Variants in GFAP observed in about 807,000 individuals in gnomAD.
The protein encoded by GFAP is glial fibrillary acidic protein.
Under a neutral mutation model 49.3 loss-of-function variants are expected in GFAP, and 38 were observed. The ratio of observed to expected loss-of-function variants is 0.77; its 90% CI spans 0.60 to 1.01. The LOEUF (loss-of-function observed/expected upper bound fraction) is 1.01, where lower values mean the gene tolerates loss of function less well. Among genes scored for constraint, GFAP ranks in the 50% least tolerant of loss-of-function variants. GFAP has a pLI of 0.00. For missense variants in GFAP, 463 were observed against 579.1 expected (o/e 0.80, Z 2.06); for synonymous variants, 222 against 236.4 (o/e 0.94, Z 0.56).
At position 44,913,787 on chromosome 17, in the gene GFAP, C is replaced by G. The variant is rs776879351; in HGVS notation, c.559G>C (p.Glu187Gln). The change falls in exon 3 of 9, where the codon GAG (glutamate) becomes CAG (glutamine). Residue 187 changes from glutamate (E) to glutamine (Q), a missense_variant. Coordinates refer to ENST00000588735, the MANE Select transcript of GFAP (RefSeq NM_002055.5). Reference sequence around the variant, plus strand: ...TCCTCCAGCGACTCAATCTTCCTCTCCAGATCCAGACGGGCCAGGGTGGCT... The same window carrying G: ...TCCTCCAGCGACTCAATCTTCCTCTGCAGATCCAGACGGGCCAGGGTGGCT... ...DEATLARLDL[E>Q]RKIESLEEEI... is the part of the protein sequence containing the mutation. 2 of 1,614,214 alleles carry G rather than the reference C, an allele frequency of 1.2e-6. No individual in the cohort carries two copies. Among genetic ancestry groups the G allele is most frequent in the Admixed American group, 3.3e-5 (2 of 60,038 alleles).
In GFAP at chr17:44,903,769, C is replaced by G; in HGVS notation, c.*3578G>C. On this transcript the variant is annotated 3_prime_UTR_variant, in exon 9 of 9. Transcript: ENST00000588735. ...TCCGCTTAGCAGAGCTTTCTAGGAG[C>G]CCTATGAGCCTTTAATGCCCTGGTT... The G allele has an allele frequency of 6.7e-7, 1 of 1,485,912 alleles. No homozygotes were observed. Among genetic ancestry groups the G allele is most frequent in the East Asian group, 2.5e-5 (1 of 40,478 alleles). 92.0% of individuals were successfully genotyped at this position (1,485,912 alleles called of 1,614,324 possible).
chr17:44,910,062 G>T, intron 7 of GFAP: 2 of 1,610,830 alleles, frequency 1.2e-6, no homozygotes, highest in African/African-American at 1.3e-5. Flanking sequence ...AACTCAGGGG[G>T]ATTGGGAGGA....
Position 44,906,330 on chromosome 17 carries a change from C to A in GFAP, c.*1017G>T, listed in dbSNP as rs2145623551. 6.6e-6 allele frequency: 1 copy of A among 152,560 alleles called. No homozygotes were observed. Among genetic ancestry groups the A allele is most frequent in the Non-Finnish European group, 1.5e-5 (1 of 68,180 alleles). 9.5% of individuals were successfully genotyped at this position (152,560 alleles called of 1,614,324 possible). Reference sequence around the variant, plus strand: ...AAGTGCAACTGGTCACCCACAACCCCTACTTGTATGCCTAGCGCCATCCCA... The same window carrying A: ...AAGTGCAACTGGTCACCCACAACCCATACTTGTATGCCTAGCGCCATCCCA... On this transcript the variant is annotated 3_prime_UTR_variant, in exon 9 of 9. Transcript: ENST00000588735.
chr17:44,910,167 A>G (rs1448210839), intron 7 of GFAP: 1 of 1,613,686 alleles, frequency 6.2e-7, no homozygotes, highest in Admixed American at 1.7e-5. Context: ...TCCATTTACA[A>G]TCTGGTGAGC....
At chr17:44,910,448 C>G in intron 7 of GFAP, 167 bp downstream of exon 7, 1 of 1,569,424 alleles carries the variant, frequency 6.4e-7, no homozygotes, top group Non-Finnish European at 8.6e-7. Flanking sequence ...CCTAGAAGTA[C>G]CCTGGTATGA....
In GFAP at chr17:44,905,056, C is replaced by T. The variant is rs1346226861; in HGVS notation, c.*2291G>A. The T allele has an allele frequency of 1.3e-6, 2 of 1,542,888 alleles. No homozygotes were observed. The highest frequency in any genetic ancestry group is 4.9e-5 in the East Asian group (2 of 40,814). ...GCTGCTACTTATTTCACTGTTGTCC[C>T]AGCTTCTCCCCCTAGGAGCTCTCTT... is the stretch of plus-strand genomic sequence containing the variant. On this transcript the variant is annotated 3_prime_UTR_variant, in exon 9 of 9. Transcript: ENST00000588735.
chr17:44,908,170 G>A (rs1429787592), intron 7 of GFAP, 21 bp from the exon 8 acceptor site: 3 of 1,540,944 alleles, frequency 1.9e-6, no homozygotes, highest in Non-Finnish European at 2.7e-6. Context: ...GGGGAGAGGA[G>A]GCCTCTCATG....
chr17:44,908,061 T>C lies in GFAP; in HGVS notation c.1257+3A>G. Reference sequence around the variant, plus strand: ...GCCTGACTGGGCCCAAATCCCTCCTTACCTCTCCATCCCGCATCTCCACGG... The same window carrying C: ...GCCTGACTGGGCCCAAATCCCTCCTCACCTCTCCATCCCGCATCTCCACGG... On this transcript the variant is annotated splice_donor_region_variant and intron_variant, in intron 8 of 8. Coordinates refer to ENST00000588735, the MANE Select transcript of GFAP (RefSeq NM_002055.5). 3 of 1,601,420 alleles carry C rather than the reference T, an allele frequency of 1.9e-6. No homozygotes were observed. Among genetic ancestry groups the C allele is most frequent in the East Asian group, 2.2e-5 (1 of 44,714 alleles).
chr17:44,904,156 C>CTTG lies in GFAP; in HGVS notation c.*3188_*3190dup, dbSNP rs969343931. 1 of 1,550,232 alleles carries CTTG rather than the reference C, an allele frequency of 6.5e-7. No homozygotes were observed. Among genetic ancestry groups the CTTG allele is most frequent in the African/African-American group, 1.4e-5 (1 of 73,064 alleles). ...CCCGCTTCAGCATCCGCATGTTCAG[C>CTTG]TTGTTGGTTTTCAGGGCTCAGTCTG... On this transcript the variant is annotated 3_prime_UTR_variant, in exon 9 of 9. Transcript: ENST00000588735.
At chr17:44,908,250 T>A (rs139330198) in intron 7 of GFAP, 101 bp from the exon 8 acceptor site, 3 of 797,420 alleles carry the variant, frequency 3.8e-6, no homozygotes, top group Non-Finnish European at 6.7e-6. Flanking sequence ...CCATCATGAG[T>A]ATGAGAACCT....
Position 44,904,791 on chromosome 17 carries a change from G to A in GFAP, c.*2556C>T. ...CTGAAGGGTGTCAACAGGTCCATGAGGGTGTTCATTGACCACGGCAACCAG... is the reference window on the plus strand; with the variant it reads ...CTGAAGGGTGTCAACAGGTCCATGAAGGTGTTCATTGACCACGGCAACCAG... On this transcript the variant is annotated 3_prime_UTR_variant, in exon 9 of 9. Coordinates refer to ENST00000588735, the MANE Select transcript of GFAP (RefSeq NM_002055.5). The A allele has an allele frequency of 6.4e-7, 1 of 1,550,640 alleles. No homozygotes were observed. Among genetic ancestry groups the A allele is most frequent in the Non-Finnish European group, 8.7e-7 (1 of 1,146,966 alleles).
intron 7 of GFAP, 100 bp from the exon 8 acceptor site, chr17:44,908,249 G>A (rs746854331): frequency 1.2e-6 from 1 of 826,292 alleles, no homozygotes; most frequent in Admixed American, 1.8e-5. Flanking sequence ...CCCATCATGA[G>A]TATGAGAACC....
chr17:44,904,974 T>A lies in GFAP; in HGVS notation c.*2373A>T. 6.4e-7 allele frequency: 1 copy of A among 1,550,804 alleles called. No individual in the cohort carries two copies. Among genetic ancestry groups the A allele is most frequent in the Non-Finnish European group, 8.7e-7 (1 of 1,147,040 alleles). The stretch of plus-strand genomic sequence containing the variant: ...ACTCGCTCGGCTGTGGAGCTCACCC[T>A]GATAGGCTACCTGCTCATCACAGCA... On this transcript the variant is annotated 3_prime_UTR_variant, in exon 9 of 9. Coordinates refer to ENST00000588735, the MANE Select transcript of GFAP (RefSeq NM_002055.5).
In GFAP at chr17:44,911,516, G is replaced by GCCCGGCC. The variant is rs1315529270; in HGVS notation, c.907-67_907-61dup. 1.5e-5 allele frequency: 24 copies of GCCCGGCC among 1,548,616 alleles called. No homozygotes were observed. In the East Asian group the frequency reaches 2.9e-4, roughly 19 times the overall value. On this transcript the variant is annotated intron_variant, in intron 5 of 8. Transcript: ENST00000588735. ...CGACCCGACTTGGGGAGGTTTCGAG[G>GCCCGGCC]CCCGGCCCCCGGCCCCAGGCCCCGC...
rs375692636 is a variant in GFAP at position 44,915,453 on chromosome 17, G to A, written c.34C>T (p.Arg12Cys). ...ATCTCCCCTGAGGAGACGTAGGAGC[G>A]GCGAGCAGCGGAGGTGATGCGTCTC... ...ERRRITSAARRSYVSSGEMMV... is the reference protein window; with the variant it reads ...ERRRITSAARCSYVSSGEMMV... Residue 12 changes from arginine (R) to cysteine (C), a missense_variant, in exon 1 of 9, where the codon CGC (arginine) becomes TGC (cysteine). Arg to Cys is a radical substitution (Grantham distance 180, BLOSUM62 -3). Around this residue, in one of 3 missense-constraint regions of GFAP, gnomAD observed 89 missense variants for 87.5 expected, o/e 1.02. Coordinates refer to ENST00000588735, the MANE Select transcript of GFAP (RefSeq NM_002055.5). The surrounding 1 kb of genome is among the most constrained non-coding windows in gnomAD (Gnocchi z 4.1). The A allele has an allele frequency of 2.6e-5, 42 of 1,602,536 alleles. No homozygotes were observed. Among genetic ancestry groups the A allele is most frequent in the Non-Finnish European group, 3.3e-5 (39 of 1,175,212 alleles).
intron 4 of GFAP, among the ~76,000 whole-genome samples, chr17:44,912,118 T>TTG (rs1555574335): frequency 1.2e-4 from 18 of 150,818 alleles, no homozygotes; most frequent in African/African-American, 4.2e-4. Context: ...GTTTTTGTTT[T>TTG]TTTGTTTTTT....
At chr17:44,913,864 G>T (rs775293988) in intron 2 of GFAP, 41 bp from the exon 3 acceptor site, 2 of 1,537,248 alleles carry the variant, frequency 1.3e-6, no homozygotes, top group South Asian at 1.1e-5. Context: ...GGCCACTGGG[G>T]CCCCAGGCTC....
At chr17:44,908,717 C>T (rs2051693190) in intron 7 of GFAP, 1 of 152,394 alleles carries the variant, frequency 6.6e-6, no homozygotes, top group Non-Finnish European at 1.5e-5. Flanking sequence ...AAAAATTAGT[C>T]AGGCATGGTG....
At position 44,906,717 on chromosome 17, in the gene GFAP, C is replaced by T. The variant is rs72828813; in HGVS notation, c.*630G>A. ...TAGGAGAACAACCCTCTGAGCTGGGCATGGTGGCTCCAATCTATAATCCCA... is the reference window on the plus strand; with the variant it reads ...TAGGAGAACAACCCTCTGAGCTGGGTATGGTGGCTCCAATCTATAATCCCA... On this transcript the variant is annotated 3_prime_UTR_variant, in exon 9 of 9. Coordinates refer to ENST00000588735, the MANE Select transcript of GFAP (RefSeq NM_002055.5). 1,244 of 168,810 alleles carry T rather than the reference C, an allele frequency of 7.4e-3. 6 individuals carry two copies. Among genetic ancestry groups the T allele is most frequent in the Non-Finnish European group, 0.012 (926 of 77,420 alleles). The allele number at this position is 168,810 out of a possible 1,614,324, so 10.5% of individuals were successfully genotyped here. A position where few individuals can be genotyped will look rare whatever the true frequency, so the allele number is the denominator to read the frequency against.
Sources: allele counts gnomAD v4.1 joint callset (sites outside exome capture counted in the v4.1 genomes callset), GRCh38; gene constraint gnomAD v4.1.1; regional missense constraint gnomAD v4.1.1; non-coding constraint Gnocchi (gnomAD v3.1); transcripts MANE v1.5; gene names NCBI Gene and HGNC (gene_info 2026-07-23, HGNC 2026-07-21).